The following SYNPO variants were observed in gnomAD, a reference collection of about 807,000 sequenced individuals.
SYNPO encodes the protein synaptopodin.
SYNPO carries 19 observed loss-of-function variants against 49.5 expected under a neutral mutation model. That is an observed-to-expected ratio of 0.38 (90% CI 0.27 to 0.56). The LOEUF is 0.56. Among genes scored for constraint, SYNPO ranks in the 20% least tolerant of loss-of-function variants. The probability of loss-of-function intolerance (pLI) is 0.68; values close to 1 mark genes in which losing one functional copy is unlikely to be tolerated. For synonymous variants in SYNPO, 536 were observed against 548.0 expected, an observed-to-expected ratio of 0.98 and a Z score of 0.31; for missense variants, 1,131 against 1,248.3, an observed-to-expected ratio of 0.91 and a Z score of 1.42.
intron 1 of SYNPO, among the ~76,000 whole-genome samples, chr5:150,602,997 G>GGGGGTGTGTGTGTGTGT (rs1554106602): frequency 2.3e-5 from 3 of 131,184 alleles, no homozygotes; most frequent in African/African-American, 8.9e-5. Flanking sequence ...GCCACCTTAG[G>GGGGGTGTGTGTGTGTGT]GTGTGTGTGT....
At chr5:150,632,387 C>A (rs1757570288) in intron 2 of SYNPO, among the ~76,000 whole-genome samples, 1 of 152,180 alleles carries the variant, frequency 6.6e-6, no homozygotes, top group Admixed American at 6.5e-5. Context: ...AAATGAAAAT[C>A]TATAGCATAT....
At chr5:150,588,253 C>T in the SYNPO span, among the ~76,000 whole-genome samples, 1 of 152,218 alleles carries the variant, frequency 6.6e-6, no homozygotes, top group Non-Finnish European at 1.5e-5. Flanking sequence ...CCGGCCATAT[C>T]TCCATGCGTG....
At chr5:150,608,036 A>G (rs1756742398) in intron 1 of SYNPO, among the ~76,000 whole-genome samples, 3 of 152,248 alleles carry the variant, frequency 2.0e-5, no homozygotes, top group Admixed American at 2.0e-4. Flanking sequence ...GTTGGACGGC[A>G]CAGTGCTATA....
At chr5:150,606,960 G>T (rs1441938407) in intron 1 of SYNPO, among the ~76,000 whole-genome samples, 3 of 151,898 alleles carry the variant, frequency 2.0e-5, no homozygotes, top group African/African-American at 4.8e-5. Context: ...GTCCTGAATG[G>T]ATTTAATAGT....
At chr5:150,596,790 G>A (rs1400260952), upstream of SYNPO, among the ~76,000 whole-genome samples, 3 of 152,180 alleles carry the variant, frequency 2.0e-5, no homozygotes, top group Non-Finnish European at 1.5e-5. Flanking sequence ...GCCATCTCCT[G>A]CACGGGCTCA....
At chr5:150,596,015 AG>A in the SYNPO span, among the ~76,000 whole-genome samples, 1 of 152,252 alleles carries the variant, frequency 6.6e-6, no homozygotes, top group Non-Finnish European at 1.5e-5. Flanking sequence ...CTGCAAGGGC[AG>A]GTGGGTTGGG....
upstream of SYNPO, among the ~76,000 whole-genome samples, chr5:150,636,611 T>G (rs374780625): frequency 2.4e-4 from 37 of 152,322 alleles, no homozygotes; most frequent in East Asian, 6.9e-3. Flanking sequence ...GGCAGGAGAC[T>G]CCTCCTGTTG....
chr5:150,593,397 G>A, the SYNPO span, among the ~76,000 whole-genome samples: 1 of 152,192 alleles, frequency 6.6e-6, no homozygotes, highest in Non-Finnish European at 1.5e-5. Flanking sequence ...TGCAGCTTCA[G>A]GCAACACTCC....
chr5:150,594,367 G>A, the SYNPO span, among the ~76,000 whole-genome samples: 1 of 152,202 alleles, frequency 6.6e-6, no homozygotes, highest in East Asian at 1.9e-4. Flanking sequence ...GCTGGAAGAG[G>A]GGAAAACCCA....
chr5:150,635,874 G>C (rs1369303974), upstream of SYNPO, among the ~76,000 whole-genome samples: 1 of 152,166 alleles, frequency 6.6e-6, no homozygotes, highest in East Asian at 1.9e-4. Flanking sequence ...TGCCTGCACT[G>C]TTGCCTTAGA....
chr5:150,602,995 A>AGGGGGG (rs373724432), intron 1 of SYNPO, among the ~76,000 whole-genome samples: 5 of 87,436 alleles, frequency 5.7e-5, no homozygotes, highest in African/African-American at 2.3e-4. Context: ...TTGCCACCTT[A>AGGGGGG]GGGTGTGTGT....
chr5:150,589,252 CG>C, the SYNPO span, among the ~76,000 whole-genome samples: 6 of 151,980 alleles, frequency 3.9e-5, no homozygotes, highest in Admixed American at 3.9e-4. Flanking sequence ...TCAGTAGAGA[CG>C]GGGTTTGGCT....
At chr5:150,599,282 A>ACCC (rs1405869923), upstream of SYNPO, among the ~76,000 whole-genome samples, 1 of 152,200 alleles carries the variant, frequency 6.6e-6, no homozygotes, top group African/African-American at 2.4e-5. Context: ...GGGACCCCAC[A>ACCC]CACTTGCTAG....
chr5:150,635,728 G>A (rs879437667), upstream of SYNPO, among the ~76,000 whole-genome samples: 3 of 152,204 alleles, frequency 2.0e-5, no homozygotes, highest in Non-Finnish European at 4.4e-5. Context: ...CTCCCAAAGT[G>A]CTGGGATTAT....
chr5:150,631,023 A>C (rs1238166770), intron 2 of SYNPO, among the ~76,000 whole-genome samples: 1 of 152,242 alleles, frequency 6.6e-6, no homozygotes, highest in Non-Finnish European at 1.5e-5. Context: ...AGAGGCCAGT[A>C]CCCAGATAAT....
At chr5:150,633,586 G>A (rs1757611828) in intron 2 of SYNPO, among the ~76,000 whole-genome samples, 1 of 152,188 alleles carries the variant, frequency 6.6e-6, no homozygotes, top group Non-Finnish European at 1.5e-5. Context: ...CACATGGGAT[G>A]AGAGGATAAG....
intron 1 of SYNPO, among the ~76,000 whole-genome samples, chr5:150,601,485 C>T (rs1054157965): frequency 2.6e-5 from 4 of 152,032 alleles, no homozygotes; most frequent in African/African-American, 9.7e-5. Context: ...GGGTGAGGGG[C>T]TGTGCAGGAG....
At chr5:150,640,145 C>A (rs1314171554), upstream of SYNPO, 3 of 985,192 alleles carry the variant, frequency 3.0e-6, no homozygotes, top group East Asian at 1.1e-4. Flanking sequence ...GTGAGTATAC[C>A]CTGAAAGATT....
At chr5:150,619,608 A>C (rs1757088859) in intron 2 of SYNPO, among the ~76,000 whole-genome samples, 1 of 152,216 alleles carries the variant, frequency 6.6e-6, no homozygotes, top group African/African-American at 2.4e-5. Flanking sequence ...AAGTGGGTCC[A>C]GATGGGGAGG....
Sources: allele counts gnomAD v4.1 joint callset (sites outside exome capture counted in the v4.1 genomes callset), GRCh38; gene constraint gnomAD v4.1.1; transcripts MANE v1.5; gene names NCBI Gene and HGNC (gene_info 2026-07-23, HGNC 2026-07-21).